DLG5: variants seen among roughly 807,000 people sequenced by gnomAD.
DLG5 encodes disks large homolog 5.
In DLG5, 48 loss-of-function variants were observed where a neutral mutation model predicts 189.8. The observed-to-expected ratio is 0.25, with a 90% CI of 0.20 to 0.32. The LOEUF (loss-of-function observed/expected upper bound fraction) is 0.32. DLG5 is among the 10% of genes least tolerant of loss of function. The pLI is 1.00. For missense variants in DLG5, 2,160 were observed against 2,544.7 expected (o/e 0.85, Z 3.25); for synonymous variants, 1,016 against 1,054.1 (o/e 0.96, Z 0.70).
chr10:77,821,933 TGTCC>T lies in DLG5; in HGVS notation c.2547_2550del (p.Asp850GlyfsTer42). 1 of 1,614,254 alleles carries T rather than the reference TGTCC, an allele frequency of 6.2e-7. No individual in the cohort carries two copies. The highest frequency in any genetic ancestry group is 8.5e-7 in the Non-Finnish European group (1 of 1,180,044). ...CCTGGCTCCTTCCTGTCTTCCAGCC[TGTCC>T]GTGTAGAAGATGTCTGTCTGCGTGG... On this transcript the variant is annotated frameshift_variant, in exon 15 of 32. Transcript: ENST00000372391. LOFTEE classifies it high-confidence loss of function.
At chr10:77,912,022 G>A (rs556431477) in intron 1 of DLG5, among the ~76,000 whole-genome samples, 1 of 151,414 alleles carries the variant, frequency 6.6e-6, no homozygotes, top group South Asian at 2.1e-4. Context: ...AACACAGCGA[G>A]ACCCCATCTC....
Position 77,811,218 on chromosome 10 carries a change from C to G in DLG5, c.4339G>C (p.Ala1447Pro). ...HSRSSSHLDP[A>P]GTHSTLQGSG... Reference sequence around the variant, plus strand: ...CCCTGGAGAGTGGAGTGGGTACCGGCAGGGTCCAGGTGTGAGCTGGAGGCG... The same window carrying G: ...CCCTGGAGAGTGGAGTGGGTACCGGGAGGGTCCAGGTGTGAGCTGGAGGCG... Residue 1447 changes from alanine to proline, a missense_variant, in exon 23 of 32, where the codon GCC becomes CCC. Coordinates refer to ENST00000372391, the MANE Select transcript of DLG5 (RefSeq NM_004747.4). 1 of 1,613,114 alleles carries G rather than the reference C, an allele frequency of 6.2e-7. No individual in the cohort carries two copies. Among genetic ancestry groups the G allele is most frequent in the Non-Finnish European group, 8.5e-7 (1 of 1,179,866 alleles).
chr10:77,848,003 G>A (rs1226386906), intron 5 of DLG5, among the ~76,000 whole-genome samples: 2 of 152,158 alleles, frequency 1.3e-5, no homozygotes, highest in African/African-American at 4.8e-5. Context: ...CCTGAGCCTG[G>A]CCTGAGAGTC....
intron 27 of DLG5, among the ~76,000 whole-genome samples, chr10:77,802,116 G>A (rs1841237449): frequency 6.6e-6 from 1 of 152,220 alleles, no homozygotes; most frequent in African/African-American, 2.4e-5. Flanking sequence ...CAAGCCCGGA[G>A]GGAGCGAAGG....
chr10:77,825,374 CCACACACACA>C (rs59102694), intron 13 of DLG5, among the ~76,000 whole-genome samples: 1,973 of 130,878 alleles, frequency 0.015, 47 homozygotes, highest in African/African-American at 0.052. Flanking sequence ...CCACACACAA[CCACACACACA>C]CACACACACA....
intron 2 of DLG5, among the ~76,000 whole-genome samples, chr10:77,860,349 G>A (rs572006570): frequency 6.6e-6 from 1 of 152,218 alleles, no homozygotes; most frequent in Non-Finnish European, 1.5e-5. Context: ...CCAGGCTGGA[G>A]TGCAGTGGCG....
intron 5 of DLG5, chr10:77,845,325 C>G (rs531912646): frequency 1.3e-5 from 2 of 152,230 alleles, no homozygotes; most frequent in Non-Finnish European, 2.9e-5. Flanking sequence ...CCAGCTCCAA[C>G]AGCCGAGGAA....
intron 13 of DLG5, among the ~76,000 whole-genome samples, chr10:77,828,043 C>CT (rs1316302683): frequency 6.6e-6 from 1 of 151,372 alleles, no homozygotes; most frequent in African/African-American, 2.4e-5. Flanking sequence ...ACAGGACTTA[C>CT]TTTGGTAACA....
chr10:77,805,294 T>C (rs746949495), intron 27 of DLG5, among the ~76,000 whole-genome samples: 6 of 152,108 alleles, frequency 3.9e-5, no homozygotes, highest in Non-Finnish European at 8.8e-5. Flanking sequence ...TGACCTCTCT[T>C]GCACATGCAA....
intron 2 of DLG5, among the ~76,000 whole-genome samples, chr10:77,857,179 C>T (rs979187965): frequency 6.6e-6 from 1 of 152,192 alleles, no homozygotes; most frequent in African/African-American, 2.4e-5. Flanking sequence ...GGCTTTCACA[C>T]CTCCAGGATG....
At chr10:77,920,000 C>T (rs1046524873) in intron 1 of DLG5, among the ~76,000 whole-genome samples, 22 of 152,162 alleles carry the variant, frequency 1.4e-4, no homozygotes, top group South Asian at 4.1e-4. Context: ...AAAAAATTAT[C>T]GAACACCTAT....
chr10:77,799,735 A>C (rs1841105658), intron 27 of DLG5, among the ~76,000 whole-genome samples: 1 of 152,150 alleles, frequency 6.6e-6, no homozygotes, highest in Non-Finnish European at 1.5e-5. Flanking sequence ...CAGCCTCCTG[A>C]GTAGCCGGGA....
intron 1 of DLG5, among the ~76,000 whole-genome samples, chr10:77,877,919 G>C (rs1845154103): frequency 6.6e-6 from 1 of 152,212 alleles, no homozygotes. Context: ...CAGGAAATCT[G>C]AGCAGCAGGG....
upstream of DLG5, chr10:77,926,937 G>T: frequency 5.3e-6 from 2 of 374,404 alleles, no homozygotes; most frequent in South Asian, 3.6e-5. This position sits in a 1 kb window ranked among gnomAD's most constrained non-coding sequence, Gnocchi z 5.2. Flanking sequence ...CGCCCCCAGA[G>T]CAAGACTACA....
rs780526482 is a variant in DLG5 at position 77,856,875 on chromosome 10, G to A, written c.391C>T (p.Pro131Ser). 6.2e-6 allele frequency: 10 copies of A among 1,611,548 alleles called. No homozygotes were observed. Among genetic ancestry groups the A allele is most frequent in the Non-Finnish European group, 8.5e-6 (10 of 1,179,692 alleles). ...TCAGTGAGGAGGGGTGGTGGGGACG[G>A]CGCCTTCCCGGTAGTGCCTGTGGAA... ...LSSVGTTGKAPSPPPLLTDQQ... is the reference protein window; with the variant it reads ...LSSVGTTGKASSPPPLLTDQQ... Residue 131 changes from proline to serine, a missense_variant, in exon 3 of 32, where the codon CCG (proline) becomes TCG (serine). By Grantham distance (74) the Pro-to-Ser change is moderately conservative. Coordinates refer to ENST00000372391, the MANE Select transcript of DLG5 (RefSeq NM_004747.4).
At chr10:77,903,480 T>C (rs1845989625) in intron 1 of DLG5, among the ~76,000 whole-genome samples, 1 of 151,652 alleles carries the variant, frequency 6.6e-6, no homozygotes, top group Non-Finnish European at 1.5e-5. Flanking sequence ...TAGCCGGGCA[T>C]GGTGGTGGGC....
intron 9 of DLG5, among the ~76,000 whole-genome samples, chr10:77,831,561 T>G (rs1366734202): frequency 1.3e-5 from 2 of 152,178 alleles, no homozygotes; most frequent in Non-Finnish European, 2.9e-5. Flanking sequence ...AATTTAAGAC[T>G]TAGTATACAG....
chr10:77,819,053 T>C (rs1568143917), intron 17 of DLG5, among the ~76,000 whole-genome samples: 1 of 152,232 alleles, frequency 6.6e-6, no homozygotes, highest in Non-Finnish European at 1.5e-5. Context: ...ATGATATTCA[T>C]AAAGGTCTGA....
intron 23 of DLG5, 111 bp from the exon 24 acceptor site, chr10:77,809,841 A>T: frequency 7.8e-7 from 1 of 1,287,156 alleles, no homozygotes; most frequent in Non-Finnish European, 1.1e-6. Context: ...GGGTCTCAGA[A>T]CCACAGGGAG....
Sources: gnomAD v4.1 joint callset for allele counts (sites outside exome capture counted in the v4.1 genomes callset) on GRCh38, gnomAD v4.1.1 for gene constraint, Gnocchi (gnomAD v3.1) non-coding constraint, MANE v1.5 for transcripts, NCBI Gene and HGNC (gene_info 2026-07-23, HGNC 2026-07-21) for gene names.